Variants in TFAP4 observed in about 807,000 individuals in gnomAD.
The protein encoded by TFAP4 is activating enhancer-binding protein 4.
TFAP4 carries 7 observed loss-of-function variants against 40.4 expected under a neutral mutation model. That is an observed-to-expected ratio of 0.17 (90% CI 0.10 to 0.33). TFAP4 has a LOEUF of 0.33. Among genes scored for constraint, TFAP4 ranks in the 10% least tolerant of loss-of-function variants. The probability of loss-of-function intolerance (pLI) is 1.00; values close to 1 mark genes in which losing one functional copy is unlikely to be tolerated. For missense variants in TFAP4, 374 were observed against 451.1 expected (o/e 0.83, Z 1.55); for synonymous variants, 218 against 181.4 (o/e 1.20, Z -1.62).
At chr16:4,272,552 C>G (rs550207759) in intron 1 of TFAP4, 106 bp downstream of exon 1, 4 of 742,938 alleles carry the variant, frequency 5.4e-6, no homozygotes, top group Non-Finnish European at 7.8e-6. Context: ...GAAAGGCTAG[C>G]GGGGTCGGCG....
intron 1 of TFAP4, among the ~76,000 whole-genome samples, chr16:4,270,840 C>T (rs1030452979): frequency 2.0e-5 from 3 of 152,210 alleles, no homozygotes; most frequent in Admixed American, 6.5e-5. Flanking sequence ...TGCACCTCCG[C>T]GCTGCCCAGC....
intron 3 of TFAP4, 72 bp from the exon 4 acceptor site, chr16:4,262,021 AG>A (rs1374634397): frequency 1.0e-5 from 15 of 1,451,148 alleles, no homozygotes; most frequent in Non-Finnish European, 1.3e-5. Context: ...GTTCCATCGC[AG>A]CCCCCCAAAG....
intron 6 of TFAP4, 64 bp from the exon 7 acceptor site, chr16:4,258,313 G>T: frequency 6.8e-7 from 1 of 1,464,826 alleles, no homozygotes; most frequent in African/African-American, 1.4e-5. Flanking sequence ...GGAGACAGTG[G>T]GGGCTCTCAG....
intron 1 of TFAP4, chr16:4,268,137 A>C (rs2141096621): frequency 6.6e-6 from 1 of 152,386 alleles, no homozygotes; most frequent in East Asian, 1.9e-4. Context: ...AGTTTAAAAG[A>C]GATCAAGAAA....
intron 1 of TFAP4, among the ~76,000 whole-genome samples, chr16:4,271,812 C>T (rs1328728809): frequency 6.6e-6 from 1 of 152,228 alleles, no homozygotes; most frequent in Non-Finnish European, 1.5e-5. Flanking sequence ...CCCACCTGGC[C>T]TGCCTTGCCC....
chr16:4,260,215 G>T lies in TFAP4; in HGVS notation c.697C>A (p.Pro233Thr). Residue 233 changes from proline (P) to threonine (T), a missense_variant, in exon 6 of 7, where the codon CCC (proline) becomes ACC (threonine). Transcript: ENST00000204517. ...GGCGGTGCTGGCACGATCACCGTGG[G>T]GTGGTGGGTGGGGGCCGGAGGGGGC... ...LLPPPAPTHHPTVIVPAPPPP... is the reference protein window; with the variant it reads ...LLPPPAPTHHTTVIVPAPPPP... 1 of 1,565,560 alleles carries T rather than the reference G, an allele frequency of 6.4e-7. No homozygotes were observed.
chr16:4,263,816 T>C, intron 1 of TFAP4: 1 of 153,112 alleles, frequency 6.5e-6, no homozygotes, highest in Non-Finnish European at 1.5e-5. Context: ...GCGGGGCGTG[T>C]GCGCCAGGGG....
At chr16:4,266,798 C>T (rs1337967171) in intron 1 of TFAP4, 2 of 152,220 alleles carry the variant, frequency 1.3e-5, no homozygotes, top group African/African-American at 4.8e-5. Flanking sequence ...GTCCACTATC[C>T]TCTCTCTGGC....
intron 6 of TFAP4, among the ~76,000 whole-genome samples, chr16:4,259,099 A>T (rs2052923494): frequency 6.8e-6 from 1 of 147,072 alleles, no homozygotes; most frequent in Admixed American, 6.7e-5. Flanking sequence ...AAAAAAAAAG[A>T]AAAAAAAAGA....
chr16:4,270,033 A>C (rs2053029123), intron 1 of TFAP4, among the ~76,000 whole-genome samples: 1 of 151,806 alleles, frequency 6.6e-6, no homozygotes, highest in South Asian at 2.1e-4. Context: ...AAAAATAAAA[A>C]AATTAGCCAG....
Position 4,260,546 on chromosome 16 carries a change from G to T in TFAP4, c.575C>A (p.Ala192Glu). The change falls in exon 5 of 7, where the codon GCG becomes GAG. Residue 192 changes from alanine (A) to glutamate (E), a missense_variant. By Grantham distance (107) the Ala-to-Glu change is moderately radical. Coordinates refer to ENST00000204517, the MANE Select transcript of TFAP4 (RefSeq NM_003223.3). Reference sequence around the variant, plus strand: ...CTGCTGCTGCAGCTGCACCTGCTGCGCAATCACCTTGAGCTTTTCCGGGTA... The same window carrying T: ...CTGCTGCTGCAGCTGCACCTGCTGCTCAATCACCTTGAGCTTTTCCGGGTA... ...HMYPEKLKVIAQQVQLQQQQE... is the reference protein window; with the variant it reads ...HMYPEKLKVIEQQVQLQQQQE... 6.2e-7 allele frequency: 1 copy of T among 1,611,662 alleles called. No individual in the cohort carries two copies. The highest frequency in any genetic ancestry group is 8.5e-7 in the Non-Finnish European group (1 of 1,179,290).
In TFAP4 at chr16:4,261,890, G is replaced by T. The variant is rs1358231672; in HGVS notation, c.414C>A (p.Gly138=). The T allele has an allele frequency of 2.5e-6, 4 of 1,613,538 alleles. No individual in the cohort carries two copies. In the Admixed American group the frequency reaches 6.7e-5, roughly 27 times the overall value. ...TCTCGTCCTCCCAGATGTCCGGGGA[G>T]CCTATGCCTTCGTCCTTGTCCTCTG... ...RRAEDKDEGI[G]SPDIWEDEKA... is the part of the protein sequence containing the mutation. The change falls in exon 4 of 7, where the codon GGC becomes GGA. Residue 138 remains glycine (G), a synonymous_variant. Transcript: ENST00000204517.
intron 1 of TFAP4, chr16:4,263,375 G>A: frequency 6.6e-6 from 1 of 152,414 alleles, no homozygotes; most frequent in South Asian, 2.1e-4. Flanking sequence ...GATGCACGCG[G>A]GATGCAGACG....
intron 1 of TFAP4, among the ~76,000 whole-genome samples, chr16:4,271,620 T>G (rs2053041219): frequency 6.6e-6 from 1 of 152,146 alleles, no homozygotes; most frequent in Non-Finnish European, 1.5e-5. Flanking sequence ...GCTTGCAAAG[T>G]GGCTTCTGGG....
chr16:4,272,551 G>C (rs2053048047), intron 1 of TFAP4, 107 bp downstream of exon 1: 3 of 746,686 alleles, frequency 4.0e-6, no homozygotes, highest in Non-Finnish European at 5.9e-6. Context: ...AGAAAGGCTA[G>C]CGGGGTCGGC....
rs146398440 is a variant in TFAP4 at position 4,271,853 on chromosome 16, G to C, written c.89+805C>G. On this transcript the variant is annotated intron_variant, in intron 1 of 6. Coordinates refer to ENST00000204517, the MANE Select transcript of TFAP4 (RefSeq NM_003223.3). ...GCCCGCGGGGGCCGAGCTTTGTGCA[G>C]GGAAAGCGTGGCCCAGGAGCGCCTA... is the stretch of plus-strand genomic sequence containing the variant. 4.3e-3 allele frequency among the ~76,000 whole-genome samples: 658 copies of C among 152,320 alleles called. 5 individuals are homozygous for C. Among genetic ancestry groups the C allele is most frequent in the African/African-American group, 0.014 (599 of 41,578 alleles).
chr16:4,272,602 G>T, intron 1 of TFAP4, 56 bp downstream of exon 1: 4 of 1,428,862 alleles, frequency 2.8e-6, no homozygotes, highest in South Asian at 1.3e-5. Flanking sequence ...CCGCCCGGGC[G>T]GGCTGGCCGG....
chr16:4,268,079 C>A, intron 1 of TFAP4: 1 of 152,346 alleles, frequency 6.6e-6, no homozygotes. Context: ...CGGTTTCCTC[C>A]GTCTGTAAAA....
At chr16:4,269,108 G>A (rs943682320) in intron 1 of TFAP4, among the ~76,000 whole-genome samples, 7 of 151,988 alleles carry the variant, frequency 4.6e-5, no homozygotes, top group Admixed American at 3.9e-4. Context: ...GGCTGGTCTC[G>A]AACTCCTGGG....
Sources: gnomAD v4.1 joint callset for allele counts (sites outside exome capture counted in the v4.1 genomes callset) on GRCh38, gnomAD v4.1.1 for gene constraint, MANE v1.5 for transcripts, NCBI Gene and HGNC (gene_info 2026-07-23, HGNC 2026-07-21) for gene names.